Variants in FHOD3 observed in about 807,000 individuals in gnomAD.
FHOD3 encodes FH1/FH2 domain-containing protein 3.
In FHOD3, 90 loss-of-function variants were observed where a neutral mutation model predicts 173.0. That is an observed-to-expected ratio of 0.52 (90% CI 0.44 to 0.62). FHOD3 has a LOEUF of 0.62. FHOD3 is among the 20% of genes least tolerant of loss of function. The probability of loss-of-function intolerance (pLI) is 0.00; values close to 1 mark genes in which losing one functional copy is unlikely to be tolerated. For synonymous variants in FHOD3, 828 were observed against 823.0 expected (o/e 1.01, Z -0.10); for missense variants, 1,945 against 2,034.7 (o/e 0.96, Z 0.85).
intron 5 of FHOD3, among the ~76,000 whole-genome samples, chr18:36,569,567 G>A (rs566715494): frequency 6.6e-6 from 1 of 152,162 alleles, no homozygotes; most frequent in African/African-American, 2.4e-5. Context: ...GGAACTGAAT[G>A]GCACCATCAA....
At chr18:36,496,877 A>G (rs1158621159) in intron 3 of FHOD3, among the ~76,000 whole-genome samples, 1 of 152,244 alleles carries the variant, frequency 6.6e-6, no homozygotes, top group East Asian at 1.9e-4. Context: ...AACAGATGCC[A>G]CATGGTGGGA....
In FHOD3 at chr18:36,542,836, CA is replaced by C. The variant is rs879465898; in HGVS notation, c.511+30302del. 3.7e-3 allele frequency among the ~76,000 whole-genome samples: 555 copies of C among 150,540 alleles called. 1 individual carries two copies. Among genetic ancestry groups the C allele is most frequent in the Non-Finnish European group, 6.0e-3 (408 of 67,556 alleles). ...AAAACACCTAATATATTTGGAAGCA[CA>C]AAAAAAAATGACGAAGGGAAAGTGG... is the stretch of plus-strand genomic sequence containing the variant. On this transcript the variant is annotated intron_variant, in intron 5 of 28. Transcript: ENST00000590592.
chr18:36,675,244 C>T (rs543750273), intron 14 of FHOD3, among the ~76,000 whole-genome samples: 2 of 152,284 alleles, frequency 1.3e-5, no homozygotes, highest in East Asian at 3.9e-4. Context: ...GCTGTGTCCT[C>T]TGATGCTCTG....
chr18:36,502,433 GTTCCCC>G (rs1458353504), intron 4 of FHOD3, among the ~76,000 whole-genome samples: 1 of 152,052 alleles, frequency 6.6e-6, no homozygotes, highest in East Asian at 1.9e-4. Flanking sequence ...GGTGTGTGAT[GTTCCCC>G]TCCCTCTGTC....
chr18:36,361,053 G>A (rs1488030379), intron 2 of FHOD3, among the ~76,000 whole-genome samples: 1 of 152,196 alleles, frequency 6.6e-6, no homozygotes, highest in Non-Finnish European at 1.5e-5. Flanking sequence ...AAGAAAGGTA[G>A]ACGTTCCCTG....
chr18:36,363,580 G>T (rs968805416), intron 2 of FHOD3, among the ~76,000 whole-genome samples: 1 of 152,138 alleles, frequency 6.6e-6, no homozygotes, highest in African/African-American at 2.4e-5. Context: ...ATGACATTCC[G>T]AGAAAGGCAA....
chr18:36,650,091 G>A (rs540942075), intron 11 of FHOD3, among the ~76,000 whole-genome samples: 1 of 152,232 alleles, frequency 6.6e-6, no homozygotes, highest in East Asian at 1.9e-4. Flanking sequence ...AATCATGTCT[G>A]TATAAAACAG....
intron 5 of FHOD3, among the ~76,000 whole-genome samples, chr18:36,553,452 G>C (rs1262880756): frequency 2.0e-5 from 3 of 152,102 alleles, no homozygotes; most frequent in Non-Finnish European, 2.9e-5. Context: ...CTGGTCATGG[G>C]CTTTTTTTTG....
At chr18:36,527,935 C>T (rs1188614466) in intron 5 of FHOD3, among the ~76,000 whole-genome samples, 2 of 152,216 alleles carry the variant, frequency 1.3e-5, no homozygotes, top group Admixed American at 6.5e-5. Flanking sequence ...TGACTCATCT[C>T]CTGGGCAGTC....
intron 6 of FHOD3, among the ~76,000 whole-genome samples, chr18:36,591,534 C>T (rs531928512): frequency 3.3e-5 from 5 of 152,304 alleles, no homozygotes; most frequent in East Asian, 3.9e-4. Context: ...AAAGCCTCTT[C>T]GCTGCTGTGA....
intron 1 of FHOD3, among the ~76,000 whole-genome samples, chr18:36,307,302 A>G (rs1229820021): frequency 6.6e-6 from 1 of 152,080 alleles, no homozygotes; most frequent in East Asian, 1.9e-4. Context: ...CCTAATTTGT[A>G]TTTGGAGCGA....
At chr18:36,601,071 C>G (rs754689159) in intron 7 of FHOD3, among the ~76,000 whole-genome samples, 1 of 152,214 alleles carries the variant, frequency 6.6e-6, no homozygotes, top group Non-Finnish European at 1.5e-5. Flanking sequence ...GAGATGGTTA[C>G]TTTGCAGTGG....
At chr18:36,463,841 T>G (rs1289877659) in intron 3 of FHOD3, among the ~76,000 whole-genome samples, 1 of 152,228 alleles carries the variant, frequency 6.6e-6, no homozygotes, top group East Asian at 1.9e-4. Context: ...CAGTGCTTTC[T>G]TCGTGTTTTT....
At chr18:36,584,290 G>A (rs998979129) in intron 6 of FHOD3, among the ~76,000 whole-genome samples, 14 of 152,146 alleles carry the variant, frequency 9.2e-5, no homozygotes, top group Non-Finnish European at 1.8e-4. Context: ...GGTATATGAT[G>A]GGCTCAAGAA....
intron 17 of FHOD3, among the ~76,000 whole-genome samples, chr18:36,696,395 C>T (rs1352847916): frequency 6.6e-6 from 1 of 152,212 alleles, no homozygotes; most frequent in Non-Finnish European, 1.5e-5. Context: ...TTCTGTGCCT[C>T]AGGAGTACAG....
chr18:36,410,170 C>A (rs1298575473), intron 3 of FHOD3, among the ~76,000 whole-genome samples: 1 of 152,152 alleles, frequency 6.6e-6, no homozygotes, highest in Non-Finnish European at 1.5e-5. Context: ...CTAATTTCCC[C>A]CCTGCCGTCT....
chr18:36,371,834 C>T lies in FHOD3; in HGVS notation c.273-846C>T, dbSNP rs118085976. ...AGAGGTGAGGATGGACAGGGAATCC[C>T]GCTTCCAAGAGCCCTGCCACACTAC... On this transcript the variant is annotated intron_variant, in intron 2 of 28. Coordinates refer to ENST00000590592, the MANE Select transcript of FHOD3 (RefSeq NM_001281740.3). Among the ~76,000 whole-genome samples, 143 of 151,544 alleles carry T rather than the reference C, an allele frequency of 9.4e-4. No homozygotes were observed. In the East Asian group the frequency reaches 0.024, roughly 25 times the overall value.
chr18:36,356,719 T>A (rs1052055069), intron 2 of FHOD3, among the ~76,000 whole-genome samples: 1 of 151,590 alleles, frequency 6.6e-6, no homozygotes, highest in African/African-American at 2.4e-5. Flanking sequence ...CACTGCAACC[T>A]CTGTCTCCCA....
At chr18:36,549,593 A>G (rs1290348116) in intron 5 of FHOD3, among the ~76,000 whole-genome samples, 1 of 124,588 alleles carries the variant, frequency 8.0e-6, no homozygotes, top group Non-Finnish European at 1.6e-5. Flanking sequence ...GCTGGAGTGC[A>G]GTGGTGTGAT....
Sources: gnomAD v4.1 joint callset for allele counts (sites outside exome capture counted in the v4.1 genomes callset) on GRCh38, gnomAD v4.1.1 for gene constraint, MANE v1.5 for transcripts, NCBI Gene and HGNC (gene_info 2026-07-23, HGNC 2026-07-21) for gene names.